The following SMARCC1 variants were observed in gnomAD, a reference collection of about 807,000 sequenced individuals.
SMARCC1 encodes the protein SWI/SNF complex subunit SMARCC1.
A neutral mutation model predicts 147.4 loss-of-function variants in SMARCC1; 43 were observed. That is an observed-to-expected ratio of 0.29 (90% CI 0.23 to 0.38). The LOEUF (loss-of-function observed/expected upper bound fraction) is 0.38. SMARCC1 is among the 10% of genes least tolerant of loss of function. SMARCC1 has a pLI of 1.00. For missense variants in SMARCC1, 1,119 were observed against 1,381.1 expected, an observed-to-expected ratio of 0.81 and a Z score of 3.01; for synonymous variants, 495 against 484.4, an observed-to-expected ratio of 1.02 and a Z score of -0.29.
chr3:47,648,291 G>A (rs911953057), intron 21 of SMARCC1, among the ~76,000 whole-genome samples: 4 of 152,012 alleles, frequency 2.6e-5, no homozygotes, highest in Non-Finnish European at 4.4e-5. Flanking sequence ...CACCGCACCC[G>A]GCCTTATAAA....
At chr3:47,771,265 G>A (rs754967050) in intron 2 of SMARCC1, among the ~76,000 whole-genome samples, 2 of 152,102 alleles carry the variant, frequency 1.3e-5, no homozygotes, top group Non-Finnish European at 2.9e-5. Context: ...AAACGATTTA[G>A]TGATCAAGAA....
At chr3:47,761,087 C>A (rs964932194) in intron 2 of SMARCC1, among the ~76,000 whole-genome samples, 1 of 151,752 alleles carries the variant, frequency 6.6e-6, no homozygotes, top group Non-Finnish European at 1.5e-5. Context: ...GAGCTGAGAT[C>A]GCGCTACCAC....
chr3:47,699,706 C>G (rs1242334999), intron 11 of SMARCC1, among the ~76,000 whole-genome samples: 4 of 151,970 alleles, frequency 2.6e-5, no homozygotes, highest in Non-Finnish European at 5.9e-5. Flanking sequence ...TCTTAATTAT[C>G]AATTGCTCTG....
rs139015470 is a variant in SMARCC1, at chr3:47,678,278, C to T, written c.1491G>A (p.Thr497=). 22 of 1,596,684 alleles carry T rather than the reference C, an allele frequency of 1.4e-5. No individual in the cohort carries two copies. Among genetic ancestry groups the T allele is most frequent in the South Asian group, 2.3e-5 (2 of 87,902 alleles). Residue 497 remains threonine (T), a synonymous_variant, in exon 16 of 28, where the codon ACG becomes ACA. Transcript: ENST00000254480. ...YLAYRNFMID[T]YRLNPQEYLT... is the part of the protein sequence containing the mutation. ...AATACTCTTGGGGGTTTAGACGATA[C>T]GTGTCAATCATAAAATTTCGATATG...
chr3:47,696,813 G>A (rs1331410319), intron 11 of SMARCC1, among the ~76,000 whole-genome samples: 2 of 152,048 alleles, frequency 1.3e-5, no homozygotes, highest in African/African-American at 2.4e-5. Flanking sequence ...ATGAGCCACC[G>A]CGCCCAGCCA....
chr3:47,736,216 C>A, intron 4 of SMARCC1, 90 bp from the exon 5 acceptor site: 1 of 668,128 alleles, frequency 1.5e-6, no homozygotes, highest in Non-Finnish European at 2.5e-6. Flanking sequence ...CCCCAGATAA[C>A]CTTTTCTGCC....
At chr3:47,725,032 CAAAAAA>C (rs35548192) in intron 6 of SMARCC1, among the ~76,000 whole-genome samples, 77 of 31,632 alleles carry the variant, frequency 2.4e-3, no homozygotes, top group African/African-American at 7.5e-3. Flanking sequence ...ACTGTCTCCA[CAAAAAA>C]AAAAAAAAAA....
chr3:47,678,050 A>C (rs2033595728), intron 16 of SMARCC1, 148 bp downstream of exon 16: 5 of 419,054 alleles, frequency 1.2e-5, no homozygotes, highest in Non-Finnish European at 1.7e-5. Context: ...AAATGAAAGG[A>C]AACAAAATAT....
chr3:47,675,677 G>A (rs887599472), intron 17 of SMARCC1, 89 bp from the exon 18 acceptor site: 25 of 676,992 alleles, frequency 3.7e-5, no homozygotes, highest in African/African-American at 1.3e-4. Context: ...GCCAGGCGCC[G>A]TGGCTCACAC....
chr3:47,726,457 T>C (rs991937959), intron 6 of SMARCC1, among the ~76,000 whole-genome samples: 1 of 152,196 alleles, frequency 6.6e-6, no homozygotes, highest in East Asian at 1.9e-4. Flanking sequence ...ATTCTATTAA[T>C]CAGTGTTTTG....
intron 2 of SMARCC1, among the ~76,000 whole-genome samples, chr3:47,762,444 G>T (rs1234337810): frequency 6.6e-6 from 1 of 152,196 alleles, no homozygotes; most frequent in Admixed American, 6.6e-5. Flanking sequence ...TTACTGGGAA[G>T]AAATTCAAAG....
At chr3:47,716,689 T>C (rs112633989) in intron 7 of SMARCC1, among the ~76,000 whole-genome samples, 6 of 152,340 alleles carry the variant, frequency 3.9e-5, no homozygotes, top group South Asian at 2.1e-4. Context: ...TAAGTTTCCA[T>C]TGAAGGGTTT....
At chr3:47,740,556 G>T (rs2034497861) in intron 3 of SMARCC1, among the ~76,000 whole-genome samples, 2 of 150,856 alleles carry the variant, frequency 1.3e-5, no homozygotes, top group African/African-American at 4.9e-5. Flanking sequence ...GGCCAGGCAG[G>T]TCTTGAACTC....
intron 4 of SMARCC1, among the ~76,000 whole-genome samples, chr3:47,737,499 T>C (rs932444395): frequency 1.3e-5 from 2 of 152,212 alleles, no homozygotes; most frequent in Non-Finnish European, 2.9e-5. Context: ...CCATAAATTT[T>C]AATACTCTTA....
chr3:47,608,849 TA>T (rs35698988), intron 26 of SMARCC1, among the ~76,000 whole-genome samples: 45,185 of 86,776 alleles, frequency 0.52, 11,143 homozygotes, highest in Non-Finnish European at 0.59. Flanking sequence ...ACAGTGTCTT[TA>T]AAAAAAAAAA....
intron 26 of SMARCC1, among the ~76,000 whole-genome samples, chr3:47,591,458 C>T (rs1411255648): frequency 6.6e-6 from 1 of 151,546 alleles, no homozygotes; most frequent in East Asian, 1.9e-4. Flanking sequence ...GAAGCACTGG[C>T]CTGATAGACT....
chr3:47,600,998 TGAGAGAGAGAGAGAGAGA>T (rs66582985), intron 26 of SMARCC1, among the ~76,000 whole-genome samples: 31,947 of 85,376 alleles, frequency 0.37, 4,853 homozygotes, highest in South Asian at 0.49. Context: ...AGGAAGAAAA[TGAGAGAGAGAGAGAGAGA>T]GAGAGAGAGA....
chr3:47,588,440 A>G, intron 27 of SMARCC1, 134 bp from the exon 28 acceptor site: 1 of 752,798 alleles, frequency 1.3e-6, no homozygotes, highest in Non-Finnish European at 2.3e-6. Flanking sequence ...TGAGGCATTG[A>G]TTCCACTGTG....
chr3:47,668,731 A>G (rs1331992608), intron 19 of SMARCC1, among the ~76,000 whole-genome samples: 5 of 152,138 alleles, frequency 3.3e-5, no homozygotes, highest in African/African-American at 1.2e-4. Flanking sequence ...AAAAATACAA[A>G]AAAACTAGCC....
Sources: allele counts gnomAD v4.1 joint callset (sites outside exome capture counted in the v4.1 genomes callset), GRCh38; gene constraint gnomAD v4.1.1; transcripts MANE v1.5; gene names NCBI Gene and HGNC (gene_info 2026-07-23, HGNC 2026-07-21).